Variants in ZNF529 observed in about 807,000 individuals in gnomAD.
ZNF529 encodes the protein zinc finger protein 529.
ZNF529 carries 11 observed loss-of-function variants against 10.1 expected under a neutral mutation model. That is an observed-to-expected ratio of 1.09 (90% CI 0.69 to 1.81). ZNF529 has a LOEUF of 1.81. Ranked by LOEUF, ZNF529 falls within the 40% of genes most tolerant of loss-of-function variation. The pLI is 0.00. For missense variants in ZNF529, 624 were observed against 666.8 expected (o/e 0.94, Z 0.71); for synonymous variants, 204 against 215.7 (o/e 0.95, Z 0.47).
intron 2 of ZNF529, among the ~76,000 whole-genome samples, chr19:36,583,528 G>A (rs34912554): frequency 0.11 from 15,584 of 146,716 alleles, 1,055 homozygotes; most frequent in South Asian, 0.24. Flanking sequence ...GCATACCTCT[G>A]CCCCACCGAG....
Position 36,547,526 on chromosome 19 carries a change from C to T in ZNF529, c.1032G>A (p.Glu344=), listed in dbSNP as rs368713736. The change falls in exon 5 of 5, where the codon GAG becomes GAA. Residue 344 remains glutamate, a synonymous_variant. Transcript: ENST00000591340. ...GEKPYKCMHC[E]KVFRISSQLI... The stretch of plus-strand genomic sequence containing the variant: ...GCTGTGAACTAATTCTAAAAACCTT[C>T]TCACAGTGCATACATTTGTAGGGTT... 10 of 1,613,330 alleles carry T rather than the reference C, an allele frequency of 6.2e-6. No homozygotes were observed. In the East Asian group the frequency reaches 2.2e-4, roughly 36 times the overall value.
chr19:36,575,669 T>A (rs2036298129), upstream of ZNF529, among the ~76,000 whole-genome samples: 1 of 152,170 alleles, frequency 6.6e-6, no homozygotes, highest in Non-Finnish European at 1.5e-5. Flanking sequence ...TTCTTTCAAC[T>A]GTCTAGAGCC....
chr19:36,548,312 G>A lies in ZNF529; in HGVS notation c.246C>T (p.Ser82=). The A allele has an allele frequency of 6.5e-7, 1 of 1,549,160 alleles. No homozygotes were observed. Among genetic ancestry groups the A allele is most frequent in the South Asian group, 1.2e-5 (1 of 82,422 alleles). Residue 82 remains serine (S), a synonymous_variant, in exon 5 of 5, where the codon TCC becomes TCT. Transcript: ENST00000591340. ...YSNLLSLDLE[S]RNETKHLSVG... Reference sequence around the variant, plus strand: ...CAGATAAATGCTTAGTCTCATTCCTGGACTCCAAATCTGAAAGAAAGGAAA... The same window carrying A: ...CAGATAAATGCTTAGTCTCATTCCTAGACTCCAAATCTGAAAGAAAGGAAA...
rs761589360 is a variant in ZNF529 at position 36,591,103 on chromosome 19, C to T, written c.-127-1402G>A. On this transcript the variant is annotated intron_variant, in intron 1 of 4. Coordinates refer to the ZNF529 transcript ENST00000585960. ...GGTCATGAGGTCAAGAGATCGAGAC[C>T]ATCCTCCCAACATGGTGAAACCCCA... is the stretch of plus-strand genomic sequence containing the variant. 2.7e-5 allele frequency among the ~76,000 whole-genome samples: 4 copies of T among 149,098 alleles called. No individual in the cohort carries two copies. The Admixed American group carries it at 2.7e-4, about 10-fold the overall frequency.
At position 36,556,200 on chromosome 19, in the gene ZNF529, G is replaced by T; in HGVS notation, c.15-3C>A. The T allele has an allele frequency of 9.4e-7, 1 of 1,065,972 alleles. No individual in the cohort carries two copies. Among genetic ancestry groups the T allele is most frequent in the Non-Finnish European group, 1.4e-6 (1 of 703,328 alleles). The allele number at this position is 1,065,972 out of a possible 1,614,324, so 66.0% of individuals were successfully genotyped here. On this transcript the variant is annotated splice_polypyrimidine_tract_variant and splice_region_variant and intron_variant, in intron 2 of 4. Transcript: ENST00000591340. ...CATGGACATGATCCCCAATGAAACT[G>T]TAAAAATTATTTTTTAAGAAAGAAC...
chr19:36,551,196 A>G (rs1299042549), intron 4 of ZNF529, among the ~76,000 whole-genome samples: 1 of 152,220 alleles, frequency 6.6e-6, no homozygotes, highest in East Asian at 1.9e-4. Context: ...CAAGAGTCAA[A>G]TGAGGGGAAA....
chr19:36,546,593 C>A lies in ZNF529; in HGVS notation c.*273G>T. The stretch of plus-strand genomic sequence containing the variant: ...GTCAAAAGAGCAATAATACAAACAT[C>A]AAAAGCTATTGTAAACAAAACATGC... On this transcript the variant is annotated 3_prime_UTR_variant, in exon 5 of 5. Transcript: ENST00000591340. 6.0e-6 allele frequency: 2 copies of A among 334,008 alleles called. No homozygotes were observed. Among genetic ancestry groups the A allele is most frequent in the Non-Finnish European group, 1.1e-5 (2 of 184,418 alleles). The allele number at this position is 334,008 out of a possible 1,614,324, so 20.7% of individuals were successfully genotyped here. A position where few individuals can be genotyped will look rare whatever the true frequency, so the allele number is the denominator to read the frequency against.
chr19:36,545,166 T>G lies in ZNF529; in HGVS notation c.*1700A>C, dbSNP rs3096637. On this transcript the variant is annotated 3_prime_UTR_variant, in exon 5 of 5. Coordinates refer to ENST00000591340, the MANE Select transcript of ZNF529 (RefSeq NM_020951.5). ...ACCTGGGAGGTGGAGGTTGCAGTGA[T>G]CTGAGATGACACCACTGCACTCCGG... 0.69 allele frequency: 104,058 copies of G among 151,866 alleles called. 35,992 individuals carry two copies. The highest frequency in any genetic ancestry group is 0.76 in the African/African-American group (31,589 of 41,300). The allele number at this position is 151,866 out of a possible 1,614,324, so 9.4% of individuals were successfully genotyped here.
At chr19:36,571,018 G>A (rs1276758243) in intron 2 of ZNF529, among the ~76,000 whole-genome samples, 1 of 152,154 alleles carries the variant, frequency 6.6e-6, no homozygotes, top group Non-Finnish European at 1.5e-5. Context: ...GAAATGCAGT[G>A]TGAACATATA....
chr19:36,567,691 T>C (rs2035950554), intron 2 of ZNF529, among the ~76,000 whole-genome samples: 1 of 152,046 alleles, frequency 6.6e-6, no homozygotes, highest in Non-Finnish European at 1.5e-5. Context: ...GATCCACCCA[T>C]ATCTGCCTCC....
chr19:36,562,437 G>C (rs187142733), intron 2 of ZNF529, among the ~76,000 whole-genome samples: 1 of 151,952 alleles, frequency 6.6e-6, no homozygotes, highest in East Asian at 1.9e-4. Flanking sequence ...GGAGTGAAAT[G>C]AATGTATTTT....
At position 36,548,017 on chromosome 19, in the gene ZNF529, T is replaced by TGAA. The variant is rs777803322; in HGVS notation, c.538_540dup (p.Phe180dup). On this transcript the variant is annotated inframe_insertion, in exon 5 of 5. Transcript: ENST00000591340. ...TATTCATCAAACTCTAAGTCACAAC[T>TGAA]GAAGACCTTCTCATATTCCTTGTAT... The TGAA allele has an allele frequency of 6.2e-7, 1 of 1,613,864 alleles. No homozygotes were observed. The highest frequency in any genetic ancestry group is 2.2e-5 in the East Asian group (1 of 44,862).
intron 2 of ZNF529, among the ~76,000 whole-genome samples, chr19:36,579,692 G>A (rs1268370330): frequency 6.6e-6 from 1 of 152,086 alleles, no homozygotes; most frequent in Non-Finnish European, 1.5e-5. Flanking sequence ...ATGGCACACC[G>A]GTATAAGATA....
At chr19:36,580,471 GACA>G (rs1302382652) in intron 2 of ZNF529, 3 of 152,166 alleles carry the variant, frequency 2.0e-5, no homozygotes, top group African/African-American at 7.2e-5. Context: ...TATGTTGCAT[GACA>G]ACGTCCACAA....
Position 36,543,954 on chromosome 19 carries a change from T to C in ZNF529, c.*2912A>G, listed in dbSNP as rs1213991311. ...CAGTCACAGACTCTTTACCTGTCCC[T>C]AACATACATATATTAGTTGCCATTA... On this transcript the variant is annotated 3_prime_UTR_variant, in exon 5 of 5. Coordinates refer to ENST00000591340, the MANE Select transcript of ZNF529 (RefSeq NM_020951.5). 6.7e-6 allele frequency: 1 copy of C among 149,982 alleles called. No homozygotes were observed. Among genetic ancestry groups the C allele is most frequent in the Non-Finnish European group, 1.5e-5 (1 of 67,754 alleles). 9.3% of individuals were successfully genotyped at this position (149,982 alleles called of 1,614,324 possible).
Position 36,547,712 on chromosome 19 carries a change from A to G in ZNF529, c.846T>C (p.Phe282=). The G allele has an allele frequency of 1.2e-6, 2 of 1,613,926 alleles. No homozygotes were observed. The highest frequency in any genetic ancestry group is 1.7e-6 in the Non-Finnish European group (2 of 1,179,850). The part of the protein sequence containing the change: ...LQRVHDGEKH[F]ECSFCGKSFR... Reference sequence around the variant, plus strand: ...AGGATTTCCCACAGAATGAGCATTCAAAGTGTTTCTCACCATCATGAACTC... The same window carrying G: ...AGGATTTCCCACAGAATGAGCATTCGAAGTGTTTCTCACCATCATGAACTC... Residue 282 remains phenylalanine (F), a synonymous_variant, in exon 5 of 5, where the codon TTT becomes TTC. Coordinates refer to ENST00000591340, the MANE Select transcript of ZNF529 (RefSeq NM_020951.5).
At chr19:36,578,058 G>GCTTT (rs1313022268), upstream of ZNF529, 1 of 110,470 alleles carries the variant, frequency 9.1e-6, no homozygotes, top group Non-Finnish European at 1.8e-5. Flanking sequence ...GTGTGGGGGA[G>GCTTT]ATTTTTTTTT....
chr19:36,601,179 A>ATT (rs74174421), intron 1 of ZNF529, among the ~76,000 whole-genome samples: 11 of 141,550 alleles, frequency 7.8e-5, no homozygotes, highest in Non-Finnish European at 1.1e-4. Flanking sequence ...TACAAGTGTA[A>ATT]TTTTTTTTTT....
chr19:36,587,051 G>A (rs548871980), intron 2 of ZNF529, among the ~76,000 whole-genome samples: 43 of 152,222 alleles, frequency 2.8e-4, no homozygotes, highest in Middle Eastern at 3.4e-3. Flanking sequence ...GATCACTTAA[G>A]GTCAGGAGTT....
Sources: allele counts gnomAD v4.1 joint callset (sites outside exome capture counted in the v4.1 genomes callset), GRCh38; gene constraint gnomAD v4.1.1; transcripts MANE v1.5; gene names NCBI Gene and HGNC (gene_info 2026-07-23, HGNC 2026-07-21).